MGAT4A: variants seen among roughly 807,000 people sequenced by gnomAD.
MGAT4A encodes N-acetylglucosaminyltransferase IVa.
MGAT4A carries 33 observed loss-of-function variants against 74.1 expected under a neutral mutation model. The ratio of observed to expected loss-of-function variants is 0.45; its 90% CI spans 0.34 to 0.60. The LOEUF (loss-of-function observed/expected upper bound fraction) is 0.60, where lower values mean the gene tolerates loss of function less well. Ranked by LOEUF, MGAT4A falls within the 20% of genes least tolerant of loss-of-function variation. MGAT4A has a pLI of 0.02. For missense variants in MGAT4A, 479 were observed against 628.3 expected (o/e 0.76, Z 2.54); for synonymous variants, 198 against 210.4 (o/e 0.94, Z 0.51).
chr2:98,670,829 C>T (rs1036373311), intron 4 of MGAT4A, among the ~76,000 whole-genome samples: 1 of 152,124 alleles, frequency 6.6e-6, no homozygotes, highest in Non-Finnish European at 1.5e-5. Context: ...TCCATTTCTG[C>T]GTCTTCAACC....
At chr2:98,653,002 A>G (rs1701603819) in intron 8 of MGAT4A, among the ~76,000 whole-genome samples, 1 of 152,212 alleles carries the variant, frequency 6.6e-6, no homozygotes. Flanking sequence ...TCAATAGCAG[A>G]AAAGTAAACC....
At chr2:98,716,705 T>C (rs954268734) in intron 2 of MGAT4A, among the ~76,000 whole-genome samples, 1 of 152,198 alleles carries the variant, frequency 6.6e-6, no homozygotes, top group African/African-American at 2.4e-5. Flanking sequence ...TTGCTATCCA[T>C]GGGGGATAGG....
At position 98,621,315 on chromosome 2, in the gene MGAT4A, C is replaced by T. The variant is rs72935502; in HGVS notation, c.*4251G>A. 1 of 1,435,824 alleles carries T rather than the reference C, an allele frequency of 7.0e-7. No individual in the cohort carries two copies. The highest frequency in any genetic ancestry group is 9.2e-7 in the Non-Finnish European group (1 of 1,081,728). 88.9% of individuals were successfully genotyped at this position (1,435,824 alleles called of 1,614,324 possible). A position where few individuals can be genotyped will look rare whatever the true frequency, so the allele number is the denominator to read the frequency against. On this transcript the variant is annotated 3_prime_UTR_variant, in exon 16 of 16. Transcript: ENST00000393487. ...CCAAGCCTATGAATGAGCTTATGGG[C>T]TGAATTCAGTTCCCGTGGCTGTAGG...
Position 98,636,554 on chromosome 2 carries a change from A to G in MGAT4A, c.1364T>C (p.Ile455Thr), listed in dbSNP as rs1230003328. ...HSGNQEHPGD[I>T]LLNTTVEVLP... ...AACTTCCACAGTTGTGTTTAGCAGAATATCTCCAGGATGTTCTTGGTTGCC... is the reference window on the plus strand; with the variant it reads ...AACTTCCACAGTTGTGTTTAGCAGAGTATCTCCAGGATGTTCTTGGTTGCC... The change falls in exon 13 of 16, where the codon ATT (isoleucine) becomes ACT (threonine). Residue 455 changes from isoleucine to threonine, a missense_variant. This residue lies in a region of MGAT4A where 236 missense variants were observed against 308.2 expected (regional missense o/e 0.77). Transcript: ENST00000393487. 6.2e-7 allele frequency: 1 copy of G among 1,613,888 alleles called. No individual in the cohort carries two copies. Among genetic ancestry groups the G allele is most frequent in the East Asian group, 2.2e-5 (1 of 44,868 alleles).
chr2:98,714,321 A>G (rs1393869328), intron 2 of MGAT4A, among the ~76,000 whole-genome samples: 1 of 152,162 alleles, frequency 6.6e-6, no homozygotes, highest in African/African-American at 2.4e-5. Flanking sequence ...TCCTGACTTC[A>G]AGTGATCCAC....
chr2:98,724,222 C>A lies in MGAT4A; in HGVS notation c.94+2017G>T, dbSNP rs557365422. The stretch of plus-strand genomic sequence containing the variant: ...TGAATGAAAAAACAACAAAAAAAAA[C>A]CATTAGTTTAGCAACATCAAAGCTT... On this transcript the variant is annotated intron_variant, in intron 2 of 15. Transcript: ENST00000393487. 9.2e-5 allele frequency among the ~76,000 whole-genome samples: 14 copies of A among 151,912 alleles called. No individual in the cohort carries two copies. The South Asian group carries it at 1.3e-3, about 14-fold the overall frequency.
Position 98,658,965 on chromosome 2 carries a change from GC to G in MGAT4A, c.538-702del, listed in dbSNP as rs537369722. Among the ~76,000 whole-genome samples, 5 of 152,228 alleles carry G rather than the reference GC, an allele frequency of 3.3e-5. No homozygotes were observed. In the South Asian group the frequency reaches 1.0e-3, roughly 32 times the overall value. On this transcript the variant is annotated intron_variant, in intron 5 of 15. Transcript: ENST00000393487. Reference sequence around the variant, plus strand: ...CACATTTCACAAACATTTACTGAATGCCTACTCTAGGCCAGGCTGCACTGCA... The same window carrying G: ...CACATTTCACAAACATTTACTGAATGCTACTCTAGGCCAGGCTGCACTGCA...
intron 7 of MGAT4A, chr2:98,655,804 T>C (rs1701650602): frequency 4.2e-6 from 1 of 238,792 alleles, no homozygotes; most frequent in Non-Finnish European, 8.0e-6. Flanking sequence ...GTTCCCCTTC[T>C]AGAAACATAT....
At chr2:98,672,329 G>A (rs1701922010) in intron 4 of MGAT4A, among the ~76,000 whole-genome samples, 1 of 152,186 alleles carries the variant, frequency 6.6e-6, no homozygotes, top group South Asian at 2.1e-4. Flanking sequence ...TTACTGGGCT[G>A]AAGCTCCACA....
intron 2 of MGAT4A, among the ~76,000 whole-genome samples, chr2:98,688,111 C>T (rs1387418144): frequency 2.6e-5 from 4 of 152,128 alleles, no homozygotes; most frequent in East Asian, 1.9e-4. Context: ...CAGTATGTCA[C>T]CAAGGTCCGC....
chr2:98,647,800 C>A (rs1701516989), intron 8 of MGAT4A, among the ~76,000 whole-genome samples: 1 of 152,228 alleles, frequency 6.6e-6, no homozygotes, highest in Admixed American at 6.5e-5. Flanking sequence ...CAGCATCTCC[C>A]TTTCCCCTGA....
At chr2:98,674,312 C>G (rs894077136) in intron 4 of MGAT4A, among the ~76,000 whole-genome samples, 2 of 152,206 alleles carry the variant, frequency 1.3e-5, no homozygotes, top group Admixed American at 1.3e-4. Context: ...ATTCTGCCCT[C>G]TGCATTTTAA....
At chr2:98,639,652 A>G (rs1258290812) in intron 12 of MGAT4A, among the ~76,000 whole-genome samples, 156 bp downstream of exon 12, 2 of 152,202 alleles carry the variant, frequency 1.3e-5, no homozygotes, top group Non-Finnish European at 2.9e-5. Flanking sequence ...TACTCGTTTT[A>G]TTATGGAGTT....
At chr2:98,712,687 T>C (rs1702534165) in intron 2 of MGAT4A, among the ~76,000 whole-genome samples, 2 of 152,220 alleles carry the variant, frequency 1.3e-5, no homozygotes, top group Non-Finnish European at 2.9e-5. Context: ...CAACCCCTCA[T>C]CTTGGTTAGA....
intron 2 of MGAT4A, among the ~76,000 whole-genome samples, chr2:98,719,473 C>A (rs897984876): frequency 6.6e-6 from 1 of 152,092 alleles, no homozygotes; most frequent in Non-Finnish European, 1.5e-5. Context: ...GACCTTAGTA[C>A]CCCAGGTTGC....
At chr2:98,652,740 C>T (rs149245282) in intron 8 of MGAT4A, among the ~76,000 whole-genome samples, 79 of 152,230 alleles carry the variant, frequency 5.2e-4, no homozygotes, top group Non-Finnish European at 9.6e-4. Flanking sequence ...CTCAGACTCC[C>T]GAGTAGGTGG....
chr2:98,623,850 C>A lies in MGAT4A; in HGVS notation c.*1716G>T, dbSNP rs1701099211. ...GGTAACTAGATGAAGCTCCTCCAGG[C>A]TAGAGGCAGCCAGCTGGAACCTTGC... is the stretch of plus-strand genomic sequence containing the variant. On this transcript the variant is annotated 3_prime_UTR_variant, in exon 16 of 16. Transcript: ENST00000393487. The A allele has an allele frequency of 1.0e-6, 1 of 985,436 alleles. No individual in the cohort carries two copies. Among genetic ancestry groups the A allele is most frequent in the Middle Eastern group, 5.2e-4 (1 of 1,914 alleles). The allele number at this position is 985,436 out of a possible 1,614,324, so 61.0% of individuals were successfully genotyped here.
At chr2:98,698,490 T>C (rs1331643206) in intron 2 of MGAT4A, among the ~76,000 whole-genome samples, 2 of 152,240 alleles carry the variant, frequency 1.3e-5, no homozygotes, top group Non-Finnish European at 2.9e-5. Flanking sequence ...TAATGCTCAT[T>C]AATCCTCTCT....
At chr2:98,658,838 T>A (rs370478454) in intron 5 of MGAT4A, among the ~76,000 whole-genome samples, 15 of 152,348 alleles carry the variant, frequency 9.8e-5, no homozygotes, top group Middle Eastern at 3.4e-3. Flanking sequence ...GAAATAAACA[T>A]TTATCAGATC....
Sources: gnomAD v4.1 joint callset for allele counts (sites outside exome capture counted in the v4.1 genomes callset) on GRCh38, gnomAD v4.1.1 for gene constraint, gnomAD v4.1.1 regional missense constraint, MANE v1.5 for transcripts, NCBI Gene and HGNC (gene_info 2026-07-23, HGNC 2026-07-21) for gene names.